SEC63: variants seen among roughly 807,000 people sequenced by gnomAD.
The protein encoded by SEC63 is translocation protein SEC63 homolog.
Under a neutral mutation model 116.2 loss-of-function variants are expected in SEC63, and 56 were observed. That is an observed-to-expected ratio of 0.48 (90% confidence interval 0.39 to 0.60). The LOEUF is 0.60. Among genes scored for constraint, SEC63 ranks in the 20% least tolerant of loss-of-function variants. The pLI, the probability that SEC63 is intolerant of heterozygous loss-of-function variation, is 0.00. For missense variants in SEC63, 668 were observed against 900.0 expected, an observed-to-expected ratio of 0.74 and a Z score of 3.30; for synonymous variants, 273 against 294.6, an observed-to-expected ratio of 0.93 and a Z score of 0.75.
At chr6:107,881,103 A>C (rs1786404515) in intron 18 of SEC63, 46 bp downstream of exon 18, 1 of 1,325,296 alleles carries the variant, frequency 7.5e-7, no homozygotes, top group South Asian at 1.2e-5. Flanking sequence ...ATCCCTGAGG[A>C]GAAAGTGAAT....
intron 1 of SEC63, among the ~76,000 whole-genome samples, chr6:107,947,554 C>A (rs930597208): frequency 1.3e-5 from 2 of 152,040 alleles, no homozygotes; most frequent in Non-Finnish European, 2.9e-5. Flanking sequence ...ACCTGGGTAA[C>A]AACATGAGAT....
At chr6:107,878,927 T>G (rs933701323) in intron 18 of SEC63, among the ~76,000 whole-genome samples, 37 of 117,962 alleles carry the variant, frequency 3.1e-4, no homozygotes, top group African/African-American at 1.2e-3. Flanking sequence ...TGCCTAGTGA[T>G]GCACATGTTA....
intron 1 of SEC63, among the ~76,000 whole-genome samples, chr6:107,930,499 T>G (rs200260809): frequency 6.6e-6 from 1 of 150,432 alleles, no homozygotes. Context: ...CCCAGCTACT[T>G]GGGAGGCTGA....
At chr6:107,948,879 A>G (rs1770527097) in intron 1 of SEC63, among the ~76,000 whole-genome samples, 1 of 152,194 alleles carries the variant, frequency 6.6e-6, no homozygotes, top group African/African-American at 2.4e-5. Flanking sequence ...TAGCAATCCT[A>G]TCAACAGAAT....
chr6:107,913,942 A>T (rs1195130784), intron 4 of SEC63, among the ~76,000 whole-genome samples: 3 of 152,222 alleles, frequency 2.0e-5, no homozygotes. Context: ...CCACATGTAA[A>T]ACTCCATTGC....
At chr6:107,948,749 C>T (rs1057208574) in intron 1 of SEC63, among the ~76,000 whole-genome samples, 3 of 152,142 alleles carry the variant, frequency 2.0e-5, no homozygotes, top group African/African-American at 7.2e-5. Flanking sequence ...AGATCCAGAC[C>T]CACCAAAACG....
chr6:107,893,587 A>G lies in SEC63; in HGVS notation c.1569T>C (p.Thr523=). The G allele has an allele frequency of 6.3e-7, 1 of 1,597,620 alleles. No homozygotes were observed. The highest frequency in any genetic ancestry group is 8.5e-7 in the Non-Finnish European group (1 of 1,175,762). The stretch of plus-strand genomic sequence containing the variant: ...AAGGTTTCTTTTTTTTTGATTTAGC[A>G]GTTTTCTTGGGTCCTTTACTCTTCT... The part of the protein sequence containing the change: ...WQQKSKGPKK[T]AKSKKKKPLK... Residue 523 remains threonine, a synonymous_variant, in exon 16 of 21, where the codon ACT becomes ACC. Transcript: ENST00000369002.
intron 4 of SEC63, among the ~76,000 whole-genome samples, chr6:107,921,055 A>G (rs1223591543): frequency 3.3e-5 from 5 of 152,234 alleles, no homozygotes; most frequent in Non-Finnish European, 5.9e-5. Context: ...GTTATTAACT[A>G]AGAATAATCT....
At chr6:107,927,064 T>C (rs1183633797) in intron 2 of SEC63, among the ~76,000 whole-genome samples, 3 of 152,130 alleles carry the variant, frequency 2.0e-5, no homozygotes, top group Admixed American at 6.5e-5. Flanking sequence ...TCAAGTGTCA[T>C]CTTTTTTTCT....
intron 8 of SEC63, among the ~76,000 whole-genome samples, chr6:107,908,063 A>G (rs1298239094): frequency 6.6e-6 from 1 of 152,262 alleles, no homozygotes; most frequent in African/African-American, 2.4e-5. Flanking sequence ...TCAGAAATGT[A>G]AAATCTGTTC....
At chr6:107,912,584 CAAAT>C (rs1355322356) in intron 6 of SEC63, 128 bp downstream of exon 6, 61 of 700,070 alleles carry the variant, frequency 8.7e-5, no homozygotes, top group African/African-American at 3.0e-4. Context: ...GACTCTGTCT[CAAAT>C]GAATGAATGA....
intron 4 of SEC63, 51 bp downstream of exon 4, chr6:107,921,746 C>T (rs1257053932): frequency 1.7e-6 from 2 of 1,158,812 alleles, no homozygotes; most frequent in Non-Finnish European, 2.6e-6. Flanking sequence ...ACCACTGCAC[C>T]TGGCTTATCT....
chr6:107,873,766 T>TCA (rs1291429872), intron 19 of SEC63, among the ~76,000 whole-genome samples: 2 of 151,622 alleles, frequency 1.3e-5, no homozygotes, highest in African/African-American at 4.9e-5. Context: ...GCAACACATA[T>TCA]CACAAAGGGC....
rs146503999 is a variant in SEC63 at position 107,927,725 on chromosome 6, TC to T, written c.224+1689del. ...CCCTTGGTATCCTCAGGGGACTGAT[TC>T]CAGGACCCCCACAGATACTAAAATC... On this transcript the variant is annotated intron_variant, in intron 2 of 20. Transcript: ENST00000369002. Among the ~76,000 whole-genome samples, 502 of 152,256 alleles carry T rather than the reference TC, an allele frequency of 3.3e-3. 8 individuals carry two copies. Among genetic ancestry groups the T allele is most frequent in the African/African-American group, 0.012 (493 of 41,550 alleles).
At chr6:107,948,715 T>C (rs1228504886) in intron 1 of SEC63, among the ~76,000 whole-genome samples, 2 of 152,116 alleles carry the variant, frequency 1.3e-5, no homozygotes, top group African/African-American at 2.4e-5. Flanking sequence ...CCCCCCACCA[T>C]ATCCCAAAGC....
intron 16 of SEC63, among the ~76,000 whole-genome samples, chr6:107,885,188 G>C (rs1193222475): frequency 6.6e-6 from 1 of 152,032 alleles, no homozygotes; most frequent in African/African-American, 2.4e-5. Flanking sequence ...AAGGAAGAAA[G>C]AAAGAAAGGG....
chr6:107,919,491 A>C (rs1252302493), intron 4 of SEC63, among the ~76,000 whole-genome samples: 1 of 152,182 alleles, frequency 6.6e-6, no homozygotes, highest in Non-Finnish European at 1.5e-5. Flanking sequence ...TTAGTTGATA[A>C]AGCAGTGGCA....
chr6:107,953,168 G>A (rs940454443), intron 1 of SEC63, among the ~76,000 whole-genome samples: 3 of 152,196 alleles, frequency 2.0e-5, no homozygotes, highest in Admixed American at 1.3e-4. Context: ...GCTGAGGCAC[G>A]AGAATCGTTT....
intron 1 of SEC63, among the ~76,000 whole-genome samples, chr6:107,956,745 G>T (rs1460867791): frequency 6.6e-6 from 1 of 152,142 alleles, no homozygotes. Flanking sequence ...GGGGGAAAAA[G>T]AATGTTACAG....
Sources: gnomAD v4.1 joint callset for allele counts (sites outside exome capture counted in the v4.1 genomes callset) on GRCh38, gnomAD v4.1.1 for gene constraint, MANE v1.5 for transcripts, NCBI Gene and HGNC (gene_info 2026-07-23, HGNC 2026-07-21) for gene names.